The following C8orf89 variants were observed in gnomAD, a reference collection of about 807,000 sequenced individuals.
The protein encoded by C8orf89 is putative uncharacterized protein C8orf89.
Under a neutral mutation model 15.8 loss-of-function variants are expected in C8orf89, and 14 were observed. That is an observed-to-expected ratio of 0.89 (90% CI 0.59 to 1.39). C8orf89 has a LOEUF of 1.39. Among genes scored for constraint, C8orf89 ranks in the 40% most tolerant of loss-of-function variants. C8orf89 has a pLI of 0.00. For synonymous variants in C8orf89, 55 were observed against 62.2 expected, an observed-to-expected ratio of 0.88 and a Z score of 0.54; for missense variants, 181 against 184.5, an observed-to-expected ratio of 0.98 and a Z score of 0.11.
At chr8:73,271,795 C>T in the C8orf89 span, among the ~76,000 whole-genome samples, 3 of 152,100 alleles carry the variant, frequency 2.0e-5, no homozygotes, top group African/African-American at 7.2e-5. Flanking sequence ...CTGGAGAGGC[C>T]TCACAATCAT....
intron 2 of C8orf89, among the ~76,000 whole-genome samples, chr8:73,250,573 A>C (rs893510218): frequency 6.6e-6 from 1 of 152,182 alleles, no homozygotes; most frequent in Admixed American, 6.5e-5. Flanking sequence ...GTCATGACTC[A>C]AGCAATGCTA....
intron 3 of C8orf89, among the ~76,000 whole-genome samples, 174 bp from the exon 4 acceptor site, chr8:73,241,779 C>T (rs1004502952): frequency 6.6e-6 from 1 of 152,022 alleles, no homozygotes; most frequent in African/African-American, 2.4e-5. Context: ...AAAACAGACA[C>T]ACAAACCAAT....
At chr8:73,280,473 C>G in the C8orf89 span, among the ~76,000 whole-genome samples, 1 of 152,260 alleles carries the variant, frequency 6.6e-6, no homozygotes, top group South Asian at 2.1e-4. Context: ...CAGGTTCAAG[C>G]AGTTGTCCTG....
chr8:73,280,799 A>G, the C8orf89 span, among the ~76,000 whole-genome samples: 1 of 151,426 alleles, frequency 6.6e-6, no homozygotes, highest in Non-Finnish European at 1.5e-5. Context: ...ATATATTAAA[A>G]TCAAAAAAGA....
upstream of C8orf89, among the ~76,000 whole-genome samples, chr8:73,263,432 T>A (rs1284830401): frequency 6.6e-6 from 1 of 152,166 alleles, no homozygotes; most frequent in Non-Finnish European, 1.5e-5. Flanking sequence ...GAGAACTGCT[T>A]GAACCTGAGA....
chr8:73,241,708 T>A (rs976169172), intron 3 of C8orf89, 103 bp from the exon 4 acceptor site: 2 of 946,846 alleles, frequency 2.1e-6, no homozygotes, highest in South Asian at 2.5e-5. Flanking sequence ...CACAAATGAC[T>A]ATTACACACT....
chr8:73,259,698 T>C (rs987142737), upstream of C8orf89, among the ~76,000 whole-genome samples: 3 of 152,098 alleles, frequency 2.0e-5, no homozygotes. Flanking sequence ...AATACTTGGA[T>C]TCTCTCAAAA....
the C8orf89 span, among the ~76,000 whole-genome samples, chr8:73,278,641 C>A: frequency 1.3e-5 from 2 of 152,172 alleles, no homozygotes; most frequent in Middle Eastern, 3.2e-3. Context: ...AAGGACTATT[C>A]CATAGTCTAC....
chr8:73,285,835 C>T, the C8orf89 span, among the ~76,000 whole-genome samples: 1 of 152,204 alleles, frequency 6.6e-6, no homozygotes, highest in Non-Finnish European at 1.5e-5. Context: ...TGGCCGCGAG[C>T]TCCCACATTC....
upstream of C8orf89, among the ~76,000 whole-genome samples, chr8:73,264,111 C>G (rs1813578258): frequency 1.3e-5 from 2 of 152,260 alleles, no homozygotes; most frequent in African/African-American, 4.8e-5. Context: ...GAACACTGAA[C>G]AGCACTTCAG....
the C8orf89 span, among the ~76,000 whole-genome samples, chr8:73,284,373 CCAGTT>C: frequency 6.6e-6 from 1 of 151,784 alleles, no homozygotes; most frequent in South Asian, 2.1e-4. Flanking sequence ...GCCACCATGC[CCAGTT>C]AATTTTTGTA....
At chr8:73,257,859 A>C (rs1388526581) in intron 1 of C8orf89, among the ~76,000 whole-genome samples, 1 of 152,208 alleles carries the variant, frequency 6.6e-6, no homozygotes, top group African/African-American at 2.4e-5. Flanking sequence ...ATTTAATGGG[A>C]CTAAAATTAT....
chr8:73,244,543 GA>G (rs781730976), intron 3 of C8orf89, among the ~76,000 whole-genome samples: 1 of 152,076 alleles, frequency 6.6e-6, no homozygotes, highest in Non-Finnish European at 1.5e-5. Flanking sequence ...TGAAAATACT[GA>G]CCTATATTGC....
rs1225096837 is a variant in C8orf89 at position 73,250,214 on chromosome 8, A to G, written c.337+54T>C. On this transcript the variant is annotated intron_variant, in intron 3 of 3. Transcript: ENST00000624510. ...AGAAAGGAATTTTTTTTAAAAAAAG[A>G]TAAGGTATATGACACCCAAGAGAGG... The G allele has an allele frequency of 4.6e-6, 5 of 1,089,316 alleles. No homozygotes were observed. The East Asian group carries it at 7.8e-5, about 17-fold the overall frequency. 67.5% of individuals were successfully genotyped at this position (1,089,316 alleles called of 1,614,324 possible).
chr8:73,280,061 T>C, the C8orf89 span, among the ~76,000 whole-genome samples: 4 of 152,220 alleles, frequency 2.6e-5, no homozygotes, highest in Admixed American at 1.3e-4. Flanking sequence ...CAATAAATGG[T>C]TGTTTCATAC....
chr8:73,279,218 A>G, the C8orf89 span, among the ~76,000 whole-genome samples: 11 of 152,158 alleles, frequency 7.2e-5, no homozygotes, highest in African/African-American at 2.7e-4. Flanking sequence ...ATATTCTGTA[A>G]TCTTTGCAAA....
the C8orf89 span, among the ~76,000 whole-genome samples, chr8:73,269,507 G>A: frequency 2.6e-5 from 4 of 152,144 alleles, no homozygotes; most frequent in Non-Finnish European, 5.9e-5. Flanking sequence ...ATCTGCACTG[G>A]GTGAGAAGCA....
At chr8:73,272,442 C>G in the C8orf89 span, among the ~76,000 whole-genome samples, 1 of 151,614 alleles carries the variant, frequency 6.6e-6, no homozygotes, top group African/African-American at 2.4e-5. Flanking sequence ...CCACTTAATT[C>G]TTTTTTTTAA....
chr8:73,271,114 T>G, the C8orf89 span, among the ~76,000 whole-genome samples: 5 of 152,236 alleles, frequency 3.3e-5, no homozygotes, highest in Admixed American at 3.3e-4. Flanking sequence ...TTTATTTTCA[T>G]GTCAACCTGT....
Sources: allele counts gnomAD v4.1 joint callset (sites outside exome capture counted in the v4.1 genomes callset), GRCh38; gene constraint gnomAD v4.1.1; transcripts MANE v1.5; gene names NCBI Gene and HGNC (gene_info 2026-07-23, HGNC 2026-07-21).